Variants in SLC12A1 observed in about 807,000 individuals in gnomAD.
SLC12A1 encodes Na-K-2Cl cotransporter.
In SLC12A1, 89 loss-of-function variants were observed where a neutral mutation model predicts 130.4. The observed-to-expected ratio is 0.68, with a 90% CI of 0.58 to 0.81. SLC12A1 has a LOEUF of 0.81. SLC12A1 is among the 40% of genes least tolerant of loss of function. The pLI is 0.00. For synonymous variants in SLC12A1, 499 were observed against 460.0 expected, an observed-to-expected ratio of 1.08 and a Z score of -1.09; for missense variants, 1,310 against 1,336.4, an observed-to-expected ratio of 0.98 and a Z score of 0.31.
chr15:48,217,301 A>G (rs1263911080), intron 2 of SLC12A1, among the ~76,000 whole-genome samples: 1 of 152,108 alleles, frequency 6.6e-6, no homozygotes, highest in Non-Finnish European at 1.5e-5. Flanking sequence ...TACTGCACCA[A>G]TTTCTTTTTC....
intron 26 of SLC12A1, among the ~76,000 whole-genome samples, chr15:48,302,068 C>A (rs2042238657): frequency 6.6e-6 from 1 of 151,964 alleles, no homozygotes; most frequent in African/African-American, 2.4e-5. Flanking sequence ...TGGTAGGGTT[C>A]CAATAGATGG....
chr15:48,240,187 C>T (rs1329869550), intron 9 of SLC12A1, among the ~76,000 whole-genome samples: 2 of 149,360 alleles, frequency 1.3e-5, no homozygotes, highest in Non-Finnish European at 3.0e-5. Context: ...CAGTTCTTTA[C>T]ATTTTACTCA....
intron 20 of SLC12A1, among the ~76,000 whole-genome samples, chr15:48,276,422 A>C (rs1566852485): frequency 6.6e-6 from 1 of 152,162 alleles, no homozygotes; most frequent in African/African-American, 2.4e-5. Flanking sequence ...GGGTCTTTAA[A>C]GAGGTAATTA....
At chr15:48,252,111 G>C (rs1416604120) in intron 15 of SLC12A1, among the ~76,000 whole-genome samples, 1 of 152,100 alleles carries the variant, frequency 6.6e-6, no homozygotes, top group African/African-American at 2.4e-5. Flanking sequence ...GCTGAGGCAG[G>C]AGAATCACTT....
intron 14 of SLC12A1, 44 bp downstream of exon 14, chr15:48,249,720 G>C: frequency 1.5e-6 from 2 of 1,361,006 alleles, no homozygotes; most frequent in Non-Finnish European, 2.1e-6. Flanking sequence ...CAAACAGTTA[G>C]TTTGTCTCAA....
chr15:48,286,590 A>G (rs1476578571), intron 21 of SLC12A1, among the ~76,000 whole-genome samples: 1 of 152,226 alleles, frequency 6.6e-6, no homozygotes, highest in East Asian at 1.9e-4. Context: ...GGGAAGCATT[A>G]ATGTCCTTAT....
chr15:48,296,905 A>G (rs573620553), intron 24 of SLC12A1, among the ~76,000 whole-genome samples: 10 of 152,222 alleles, frequency 6.6e-5, no homozygotes, highest in Non-Finnish European at 1.3e-4. Flanking sequence ...GAGCAGTAAG[A>G]GTGCAAAGAC....
At chr15:48,214,974 A>G (rs979961553) in intron 2 of SLC12A1, among the ~76,000 whole-genome samples, 22 of 151,872 alleles carry the variant, frequency 1.4e-4, no homozygotes, top group African/African-American at 5.3e-4. Flanking sequence ...AATTCTATCA[A>G]CCTGAGATTA....
At chr15:48,259,440 A>T in intron 17 of SLC12A1, 129 bp downstream of exon 17, 1 of 701,584 alleles carries the variant, frequency 1.4e-6, no homozygotes, top group Non-Finnish European at 2.6e-6. Flanking sequence ...AGAGCCCTCT[A>T]CCTTGATTCA....
intron 5 of SLC12A1, chr15:48,227,384 T>A (rs1411541469): frequency 5.1e-6 from 3 of 583,586 alleles, no homozygotes; most frequent in Non-Finnish European, 3.1e-6. Context: ...ACAAAACATG[T>A]TTATAAAGTG....
chr15:48,261,280 C>T (rs1322827426), intron 17 of SLC12A1, among the ~76,000 whole-genome samples: 2 of 152,160 alleles, frequency 1.3e-5, no homozygotes, highest in African/African-American at 4.8e-5. Flanking sequence ...GAAAGGGTCG[C>T]CTCAGAAACA....
chr15:48,284,647 C>A (rs1272851294), intron 20 of SLC12A1, among the ~76,000 whole-genome samples: 4 of 152,166 alleles, frequency 2.6e-5, no homozygotes, highest in Non-Finnish European at 5.9e-5. Flanking sequence ...TACTTTTTCT[C>A]TTTTCTTTTG....
intron 17 of SLC12A1, among the ~76,000 whole-genome samples, 163 bp downstream of exon 17, chr15:48,259,474 C>T (rs577774564): frequency 6.6e-6 from 1 of 152,222 alleles, no homozygotes; most frequent in African/African-American, 2.4e-5. Context: ...AGCAAGAGCC[C>T]GTGATCCTGA....
Position 48,303,858 on chromosome 15 carries a change from A to T in SLC12A1, c.*973A>T, listed in dbSNP as rs372917997. ...GTATGGATTTAAAAGAATAATTAAAATGTGAAGTTGAAAAACTTGTAAAAT... is the reference window on the plus strand; with the variant it reads ...GTATGGATTTAAAAGAATAATTAAATTGTGAAGTTGAAAAACTTGTAAAAT... On this transcript the variant is annotated 3_prime_UTR_variant, in exon 27 of 27. Coordinates refer to ENST00000380993, the MANE Select transcript of SLC12A1 (RefSeq NM_000338.3). 1 of 152,252 alleles carries T rather than the reference A, an allele frequency of 6.6e-6. No homozygotes were observed. Among genetic ancestry groups the T allele is most frequent in the Admixed American group, 6.5e-5 (1 of 15,288 alleles). 9.4% of individuals were successfully genotyped at this position (152,252 alleles called of 1,614,324 possible). A position where few individuals can be genotyped will look rare whatever the true frequency, so the allele number is the denominator to read the frequency against.
At chr15:48,237,527 G>C (rs1448063421) in intron 9 of SLC12A1, among the ~76,000 whole-genome samples, 1 of 152,148 alleles carries the variant, frequency 6.6e-6, no homozygotes. Context: ...AGAAATCCCT[G>C]ATGCTGAGTT....
chr15:48,296,523 G>A (rs535767580), intron 24 of SLC12A1, among the ~76,000 whole-genome samples: 1 of 152,078 alleles, frequency 6.6e-6, no homozygotes, highest in Non-Finnish European at 1.5e-5. Flanking sequence ...CAATTAAGTA[G>A]GTAATTTAGT....
intron 26 of SLC12A1, among the ~76,000 whole-genome samples, chr15:48,302,333 G>A (rs966942598): frequency 6.6e-6 from 1 of 151,940 alleles, no homozygotes; most frequent in Non-Finnish European, 1.5e-5. Context: ...AAAAATTAAG[G>A]CTGCCGGCCG....
At chr15:48,237,901 C>A (rs947699107) in intron 9 of SLC12A1, among the ~76,000 whole-genome samples, 3 of 151,850 alleles carry the variant, frequency 2.0e-5, no homozygotes, top group African/African-American at 4.8e-5. Context: ...AGACTGGAGG[C>A]AGAAAGATCA....
At position 48,269,719 on chromosome 15, in the gene SLC12A1, G is replaced by T. The variant is rs2041871856; in HGVS notation, c.2357G>T (p.Arg786Met). 1.2e-6 allele frequency: 2 copies of T among 1,611,836 alleles called. No individual in the cohort carries two copies. The highest frequency in any genetic ancestry group is 1.7e-6 in the Non-Finnish European group (2 of 1,178,236). Residue 786 changes from arginine to methionine, a missense_variant, in exon 19 of 27, where the codon AGG becomes ATG. Transcript: ENST00000380993. ...GTGATTGGATATAAGAAAAACTGGA[G>T]GAAAGCTCCCTTGACAGAGATTGAG... is the stretch of plus-strand genomic sequence containing the variant. The part of the protein sequence containing the change: ...TLVIGYKKNW[R>M]KAPLTEIENY...
Sources: allele counts gnomAD v4.1 joint callset (sites outside exome capture counted in the v4.1 genomes callset), GRCh38; gene constraint gnomAD v4.1.1; transcripts MANE v1.5; gene names NCBI Gene and HGNC (gene_info 2026-07-23, HGNC 2026-07-21).